SNX27: variants seen among roughly 807,000 people sequenced by gnomAD.
SNX27 encodes the protein sorting nexin-27.
SNX27 carries 22 observed loss-of-function variants against 71.6 expected under a neutral mutation model. The ratio of observed to expected loss-of-function variants is 0.31; its 90% CI spans 0.22 to 0.44. SNX27 has a LOEUF of 0.44. Among genes scored for constraint, SNX27 ranks in the 20% least tolerant of loss-of-function variants. The pLI is 1.00. For synonymous variants in SNX27, 269 were observed against 277.2 expected (o/e 0.97, Z 0.29); for missense variants, 531 against 698.6 (o/e 0.76, Z 2.70).
chr1:151,621,712 ATC>A (rs1667684320), intron 1 of SNX27, among the ~76,000 whole-genome samples: 1 of 152,214 alleles, frequency 6.6e-6, no homozygotes, highest in Non-Finnish European at 1.5e-5. Context: ...GTACTTTTAT[ATC>A]TATGTGTTGA....
intron 2 of SNX27, among the ~76,000 whole-genome samples, chr1:151,641,879 A>G (rs1345180655): frequency 7.1e-6 from 1 of 140,868 alleles, no homozygotes; most frequent in Non-Finnish European, 1.5e-5. Context: ...TATATGATAT[A>G]TATATCAGCT....
chr1:151,672,333 C>A (rs1406076804), intron 7 of SNX27, among the ~76,000 whole-genome samples: 2 of 152,114 alleles, frequency 1.3e-5, no homozygotes, highest in East Asian at 3.8e-4. Flanking sequence ...TCCTTACATT[C>A]CCAAGGATAT....
chr1:151,650,327 T>G (rs1388571587), intron 2 of SNX27, among the ~76,000 whole-genome samples: 2 of 152,200 alleles, frequency 1.3e-5, no homozygotes, highest in Non-Finnish European at 1.5e-5. Flanking sequence ...GCACCTGGCC[T>G]GCAGCATTTT....
chr1:151,629,332 T>C (rs1000482492), intron 1 of SNX27: 1 of 152,030 alleles, frequency 6.6e-6, no homozygotes, highest in African/African-American at 2.4e-5. Context: ...AGGCGCTTGC[T>C]TCAGCAGCCC....
At chr1:151,642,863 A>T (rs1668840294) in intron 2 of SNX27, among the ~76,000 whole-genome samples, 1 of 152,154 alleles carries the variant, frequency 6.6e-6, no homozygotes, top group East Asian at 1.9e-4. Flanking sequence ...GATGGTCTCG[A>T]TCTCCTGACC....
Position 151,662,672 on chromosome 1 carries a change from A to G in SNX27, c.906+402A>G, listed in dbSNP as rs77511031. On this transcript the variant is annotated intron_variant, in intron 5 of 11. Transcript: ENST00000458013. The stretch of plus-strand genomic sequence containing the variant: ...TAATTTTTGTATTTTTAGTAGAGAC[A>G]CGGGGTCTCACCATGTTGGCCAGAA... The G allele has an allele frequency of 3.0e-4, 46 of 155,754 alleles. 1 individual carries two copies. The East Asian group carries it at 8.7e-3, about 29-fold the overall frequency. The allele number at this position is 155,754 out of a possible 1,614,324, so 9.6% of individuals were successfully genotyped here. A position where few individuals can be genotyped will look rare whatever the true frequency, so the allele number is the denominator to read the frequency against.
intron 1 of SNX27, among the ~76,000 whole-genome samples, chr1:151,637,152 C>T (rs200933622): frequency 2.6e-5 from 3 of 116,882 alleles, no homozygotes; most frequent in Non-Finnish European, 5.2e-5. Context: ...GAGTTGATCA[C>T]GTTTTTTTTG....
At chr1:151,616,864 A>G (rs563765405) in intron 1 of SNX27, among the ~76,000 whole-genome samples, 1 of 152,324 alleles carries the variant, frequency 6.6e-6, no homozygotes, top group South Asian at 2.1e-4. Context: ...TTTAAGGGTT[A>G]TGATTCAGTA....
chr1:151,616,207 A>T (rs1357932963), intron 1 of SNX27, among the ~76,000 whole-genome samples: 1 of 152,248 alleles, frequency 6.6e-6, no homozygotes, highest in East Asian at 1.9e-4. Flanking sequence ...ATGTCTTTGC[A>T]CTAATTATAT....
chr1:151,655,770 T>A (rs911571485), intron 2 of SNX27, among the ~76,000 whole-genome samples: 2 of 152,180 alleles, frequency 1.3e-5, no homozygotes, highest in African/African-American at 4.8e-5. Flanking sequence ...GTCCACAGAT[T>A]GTTCTATAAA....
Position 151,612,464 on chromosome 1 carries a change from G to T in SNX27, c.263G>T (p.Gly88Val). 1 of 1,425,866 alleles carries T rather than the reference G, an allele frequency of 7.0e-7. No individual in the cohort carries two copies. The highest frequency in any genetic ancestry group is 9.2e-7 in the Non-Finnish European group (1 of 1,091,562). The allele number at this position is 1,425,866 out of a possible 1,614,324, so 88.3% of individuals were successfully genotyped here. Reference protein sequence around the residue: ...LQHVSAVLPGGAADRAGVRKG... With the variant: ...LQHVSAVLPGVAADRAGVRKG... ...CATGTGAGCGCCGTGCTGCCCGGGGGGGCGGCCGATCGGGCCGGGGTGCGC... is the reference window on the plus strand; with the variant it reads ...CATGTGAGCGCCGTGCTGCCCGGGGTGGCGGCCGATCGGGCCGGGGTGCGC... The change falls in exon 1 of 12, where the codon GGG becomes GTG. Residue 88 changes from glycine (G) to valine (V), a missense_variant. Physicochemically the swap from Gly to Val is moderately radical, Grantham distance 109 (BLOSUM62 -3). Transcript: ENST00000458013. The surrounding 1 kb of genome is among the most constrained non-coding windows in gnomAD (Gnocchi z 5.2).
Position 151,612,349 on chromosome 1 carries a change from G to A in SNX27, c.148G>A (p.Glu50Lys), listed in dbSNP as rs975319214. The A allele has an allele frequency of 1.9e-6, 3 of 1,548,538 alleles. No individual in the cohort carries two copies. The highest frequency in any genetic ancestry group is 1.4e-5 in the African/African-American group (1 of 70,516). Residue 50 changes from glutamate (E) to lysine (K), a missense_variant, in exon 1 of 12, where the codon GAG becomes AAG. Physicochemically the swap from Glu to Lys is moderately conservative, Grantham distance 56. Transcript: ENST00000458013. This position sits in a 1 kb window ranked among gnomAD's most constrained non-coding sequence, Gnocchi z 5.2. ...GPRVVRIVKS[E>K]SGYGFNVRGQ... Reference sequence around the variant, plus strand: ...GCGGGTCGTGCGCATCGTCAAGTCCGAGTCCGGCTACGGCTTCAACGTGCG... The same window carrying A: ...GCGGGTCGTGCGCATCGTCAAGTCCAAGTCCGGCTACGGCTTCAACGTGCG...
At chr1:151,670,542 C>A (rs1258925221) in intron 7 of SNX27, among the ~76,000 whole-genome samples, 1 of 152,156 alleles carries the variant, frequency 6.6e-6, no homozygotes. Flanking sequence ...TCCTCCATAT[C>A]CTTGCCAGTA....
chr1:151,625,825 G>A (rs983620880), intron 1 of SNX27, among the ~76,000 whole-genome samples: 2 of 151,002 alleles, frequency 1.3e-5, no homozygotes, highest in Non-Finnish European at 2.9e-5. Context: ...GCACACACCT[G>A]TAATCCCTGC....
intron 7 of SNX27, among the ~76,000 whole-genome samples, chr1:151,682,763 G>A (rs540430863): frequency 1.3e-5 from 2 of 152,226 alleles, no homozygotes; most frequent in South Asian, 4.1e-4. Context: ...GGCCAGGTGC[G>A]GTGTCTCATG....
In SNX27 at chr1:151,654,407, G is replaced by A. The variant is rs142403552; in HGVS notation, c.544-3828G>A. 5.3e-5 allele frequency among the ~76,000 whole-genome samples: 8 copies of A among 152,022 alleles called. No homozygotes were observed. In the East Asian group the frequency reaches 1.2e-3, roughly 22 times the overall value. On this transcript the variant is annotated intron_variant, in intron 2 of 11. Transcript: ENST00000458013. Reference sequence around the variant, plus strand: ...TATCTGTGGTTAGTCTTGGGAAAGCGTTTCCTGTCCCTCCCTCAGCTATAG... The same window carrying A: ...TATCTGTGGTTAGTCTTGGGAAAGCATTTCCTGTCCCTCCCTCAGCTATAG...
chr1:151,637,897 A>G lies in SNX27; in HGVS notation c.312-991A>G, dbSNP rs536902967. Among the ~76,000 whole-genome samples, 9 of 152,352 alleles carry G rather than the reference A, an allele frequency of 5.9e-5. No individual in the cohort carries two copies. In the South Asian group the frequency reaches 1.9e-3, roughly 32 times the overall value. ...AGGGTAGATAAGCTTTAAATGTTAA[A>G]TTGATTAGAGGTCAGGTGTGTATTT... On this transcript the variant is annotated intron_variant, in intron 1 of 11. Coordinates refer to ENST00000458013, the MANE Select transcript of SNX27 (RefSeq NM_001330723.2).
At chr1:151,651,948 C>G (rs868491970) in intron 2 of SNX27, among the ~76,000 whole-genome samples, 5 of 152,016 alleles carry the variant, frequency 3.3e-5, no homozygotes, top group South Asian at 2.1e-4. Flanking sequence ...GTCTGCAATC[C>G]CGGCACCTGG....
intron 2 of SNX27, among the ~76,000 whole-genome samples, chr1:151,651,751 C>T (rs1480664553): frequency 1.3e-5 from 2 of 151,404 alleles, no homozygotes; most frequent in South Asian, 4.2e-4. Context: ...CCTCACATCC[C>T]AGATGATGGG....
Sources: allele counts gnomAD v4.1 joint callset (sites outside exome capture counted in the v4.1 genomes callset), GRCh38; gene constraint gnomAD v4.1.1; non-coding constraint Gnocchi (gnomAD v3.1); transcripts MANE v1.5; gene names NCBI Gene and HGNC (gene_info 2026-07-23, HGNC 2026-07-21).